SETD2: variants seen among roughly 807,000 people sequenced by gnomAD.
The protein encoded by SETD2 is histone-lysine N-methyltransferase SETD2.
SETD2 carries 31 observed loss-of-function variants against 242.1 expected under a neutral mutation model. The observed-to-expected ratio is 0.13, with a 90% confidence interval of 0.10 to 0.17. SETD2 has a LOEUF of 0.17. SETD2 is among the 10% of genes least tolerant of loss of function. The pLI is 1.00. For missense variants in SETD2, 2,481 were observed against 3,046.3 expected, an observed-to-expected ratio of 0.81 and a Z score of 4.37; for synonymous variants, 1,006 against 1,066.5, an observed-to-expected ratio of 0.94 and a Z score of 1.11.
Position 47,088,291 on chromosome 3 carries a change from C to A in SETD2, c.5143-44G>T, listed in dbSNP as rs563758965. ...ATACCTTTTTATAAAACAACAACAA[C>A]AAAAAAAAAAACCAAAAACCCAAAA... On this transcript the variant is annotated intron_variant, in intron 9 of 20. Transcript: ENST00000409792. 819 of 1,160,984 alleles carry A rather than the reference C, an allele frequency of 7.1e-4. 2 individuals are homozygous for A. Among genetic ancestry groups the A allele is most frequent in the Middle Eastern group, 2.2e-3 (10 of 4,612 alleles). The allele number at this position is 1,160,984 out of a possible 1,614,324, so 71.9% of individuals were successfully genotyped here. A position where few individuals can be genotyped will look rare whatever the true frequency, so the allele number is the denominator to read the frequency against.
intron 15 of SETD2, among the ~76,000 whole-genome samples, chr3:47,051,340 A>T (rs2039836452): frequency 6.6e-6 from 1 of 152,158 alleles, no homozygotes. Context: ...ACTAGGCTCA[A>T]GCGATCCTCC....
At chr3:47,065,151 C>T (rs578107888) in intron 13 of SETD2, among the ~76,000 whole-genome samples, 1 of 152,246 alleles carries the variant, frequency 6.6e-6, no homozygotes, top group Admixed American at 6.5e-5. Flanking sequence ...TATAGTGGTG[C>T]CACTGGTTTT....
chr3:47,070,829 G>A (rs1409652078), intron 12 of SETD2, among the ~76,000 whole-genome samples: 1 of 152,140 alleles, frequency 6.6e-6, no homozygotes, highest in Non-Finnish European at 1.5e-5. Flanking sequence ...AGATCTATAA[G>A]GTCTCAAAAT....
intron 15 of SETD2, among the ~76,000 whole-genome samples, chr3:47,051,169 ATCAAGGC>A (rs992434781): frequency 2.6e-5 from 4 of 151,612 alleles, no homozygotes; most frequent in African/African-American, 4.9e-5. Flanking sequence ...CAGTGGTGCC[ATCAAGGC>A]TCACAGCAGC....
At position 47,163,969 on chromosome 3, in the gene SETD2, G is replaced by T; in HGVS notation, c.-45C>A. ...CGACGCGAGCCCCCTCCCCGCAGCA[G>T]GGCGACGCGGGGGAGGGGAGGGGAG... On this transcript the variant is annotated 5_prime_UTR_variant, in exon 1 of 21. The change creates a new upstream start codon in the 5' untranslated region. Coordinates refer to ENST00000409792, the MANE Select transcript of SETD2 (RefSeq NM_014159.7). The T allele has an allele frequency of 7.9e-7, 1 of 1,263,206 alleles. No homozygotes were observed. Among genetic ancestry groups the T allele is most frequent in the African/African-American group, 1.5e-5 (1 of 64,716 alleles). The allele number at this position is 1,263,206 out of a possible 1,614,324, so 78.2% of individuals were successfully genotyped here. A position where few individuals can be genotyped will look rare whatever the true frequency, so the allele number is the denominator to read the frequency against.
chr3:47,148,332 T>C (rs2043910185), intron 1 of SETD2, among the ~76,000 whole-genome samples: 1 of 152,062 alleles, frequency 6.6e-6, no homozygotes, highest in South Asian at 2.1e-4. Context: ...GGTTTTGCCA[T>C]GTTGCCCAGG....
chr3:47,105,224 A>ACTCCTGGGG (rs2042362458), intron 6 of SETD2, among the ~76,000 whole-genome samples: 1 of 152,136 alleles, frequency 6.6e-6, no homozygotes, highest in Admixed American at 6.6e-5. Flanking sequence ...AGCCTGGCCA[A>ACTCCTGGGG]CATGGCAAAA....
chr3:47,095,432 C>T (rs1575763861), intron 9 of SETD2, among the ~76,000 whole-genome samples: 1 of 152,136 alleles, frequency 6.6e-6, no homozygotes, highest in African/African-American at 2.4e-5. Context: ...CCGTGCCTGG[C>T]CTGGAAAGTT....
At chr3:47,020,197 A>G (rs1048181595) in intron 18 of SETD2, among the ~76,000 whole-genome samples, 3 of 151,792 alleles carry the variant, frequency 2.0e-5, no homozygotes, top group Non-Finnish European at 4.4e-5. Context: ...CATCTCTCCC[A>G]CCTCTGACAC....
At chr3:47,059,108 C>CTTTTTTTTTTTT (rs111615859) in intron 14 of SETD2, among the ~76,000 whole-genome samples, 1 of 104,552 alleles carries the variant, frequency 9.6e-6, no homozygotes, top group Non-Finnish European at 1.8e-5. Flanking sequence ...CACGCCTGGC[C>CTTTTTTTTTTTT]TTTTTTTTTT....
intron 18 of SETD2, among the ~76,000 whole-genome samples, chr3:47,023,409 A>G (rs966635981): frequency 4.6e-5 from 7 of 152,164 alleles, no homozygotes; most frequent in Non-Finnish European, 8.8e-5. Context: ...CAAAAAAGAA[A>G]AAAAAAATAC....
chr3:47,150,700 G>A (rs1227515619), intron 1 of SETD2, among the ~76,000 whole-genome samples: 1 of 152,004 alleles, frequency 6.6e-6, no homozygotes, highest in Non-Finnish European at 1.5e-5. Flanking sequence ...TCTGGTAATA[G>A]GCTGGGCACG....
At chr3:47,154,395 C>T (rs570211542) in intron 1 of SETD2, among the ~76,000 whole-genome samples, 1 of 151,284 alleles carries the variant, frequency 6.6e-6, no homozygotes, top group Non-Finnish European at 1.5e-5. Flanking sequence ...GGCAAGAGAG[C>T]GAGACTCCAT....
intron 1 of SETD2, among the ~76,000 whole-genome samples, chr3:47,140,735 T>C (rs2043708114): frequency 6.6e-6 from 1 of 152,034 alleles, no homozygotes; most frequent in Admixed American, 6.6e-5. Context: ...GTGGCAGTCA[T>C]CTGTAATCCC....
intron 18 of SETD2, among the ~76,000 whole-genome samples, chr3:47,021,212 G>A (rs2038204482): frequency 6.6e-6 from 1 of 152,098 alleles, no homozygotes; most frequent in Admixed American, 6.6e-5. Context: ...ATTTGAGTAA[G>A]TCAAGAAAAC....
chr3:47,162,558 G>A (rs1697521456), intron 1 of SETD2, among the ~76,000 whole-genome samples: 1 of 152,194 alleles, frequency 6.6e-6, no homozygotes, highest in South Asian at 2.1e-4. Context: ...AACAGAATCC[G>A]TTTGTGTTGC....
At chr3:47,163,023 A>G (rs1697544880) in intron 1 of SETD2, among the ~76,000 whole-genome samples, 1 of 152,216 alleles carries the variant, frequency 6.6e-6, no homozygotes, top group South Asian at 2.1e-4. Flanking sequence ...AGTCTTCACA[A>G]GAAATAGAAA....
intron 1 of SETD2, among the ~76,000 whole-genome samples, chr3:47,143,593 T>C (rs534126219): frequency 2.8e-4 from 42 of 152,370 alleles, no homozygotes; most frequent in African/African-American, 9.1e-4. Flanking sequence ...CATTATTAAA[T>C]ACTAACAGTA....
In SETD2 at chr3:47,124,190, A is replaced by C; in HGVS notation, c.446T>G (p.Leu149Arg). 2 of 1,551,870 alleles carry C rather than the reference A, an allele frequency of 1.3e-6. No individual in the cohort carries two copies. The highest frequency in any genetic ancestry group is 1.7e-6 in the Non-Finnish European group (2 of 1,147,020). The change falls in exon 3 of 21, where the codon CTT (leucine) becomes CGT (arginine). Residue 149 changes from leucine to arginine, a missense_variant. Physicochemically the swap from Leu to Arg is moderately radical, Grantham distance 102. Coordinates refer to ENST00000409792, the MANE Select transcript of SETD2 (RefSeq NM_014159.7). ...LGKIHFKKHL[L>R]HVTSRPLLAT... ...CAGCAGTGGCCTGGATGTTACATGA[A>C]GCAGATGTTTCTTAAAATGAATTTT... is the stretch of plus-strand genomic sequence containing the variant.
Sources: allele counts gnomAD v4.1 joint callset (sites outside exome capture counted in the v4.1 genomes callset), GRCh38; gene constraint gnomAD v4.1.1; transcripts MANE v1.5; gene names NCBI Gene and HGNC (gene_info 2026-07-23, HGNC 2026-07-21).